The following SPPL3 variants were observed in gnomAD, a reference collection of about 807,000 sequenced individuals.
SPPL3 encodes the protein signal peptide peptidase-like 3.
A neutral mutation model predicts 42.4 loss-of-function variants in SPPL3; 5 were observed. The observed-to-expected ratio is 0.12, with a 90% CI of 0.06 to 0.25. The LOEUF is 0.25. Among genes scored for constraint, SPPL3 ranks in the 10% least tolerant of loss-of-function variants. The pLI, the probability that SPPL3 is intolerant of heterozygous loss-of-function variation, is 1.00. For missense variants in SPPL3, 235 were observed against 489.0 expected (o/e 0.48, Z 4.90); for synonymous variants, 195 against 181.8 (o/e 1.07, Z -0.58).
intron 1 of SPPL3, among the ~76,000 whole-genome samples, chr12:120,900,005 G>A (rs1038919771): frequency 2.6e-5 from 4 of 151,840 alleles, no homozygotes; most frequent in African/African-American, 9.7e-5. Flanking sequence ...AATTTGCTAG[G>A]AAGAGAGCAA....
intron 6 of SPPL3, among the ~76,000 whole-genome samples, chr12:120,776,391 G>A (rs570481253): frequency 6.6e-6 from 1 of 152,240 alleles, no homozygotes; most frequent in Admixed American, 6.5e-5. Context: ...GAAGGGACTC[G>A]CATTGTAAAA....
At chr12:120,770,439 T>A (rs1869074296) in intron 6 of SPPL3, among the ~76,000 whole-genome samples, 1 of 152,222 alleles carries the variant, frequency 6.6e-6, no homozygotes, top group African/African-American at 2.4e-5. Flanking sequence ...ATAAATTAGA[T>A]GTTATCATTT....
intron 1 of SPPL3, among the ~76,000 whole-genome samples, chr12:120,833,005 T>C (rs1212797482): frequency 6.6e-6 from 1 of 152,170 alleles, no homozygotes; most frequent in African/African-American, 2.4e-5. Context: ...GTGCATAAAA[T>C]AACTTTAAAT....
chr12:120,804,085 T>C (rs547861646), intron 2 of SPPL3, among the ~76,000 whole-genome samples: 7 of 152,172 alleles, frequency 4.6e-5, no homozygotes, highest in African/African-American at 1.7e-4. Context: ...CTTCCTAGAG[T>C]AGGTTTGGGT....
intron 1 of SPPL3, among the ~76,000 whole-genome samples, chr12:120,813,843 C>T (rs972027366): frequency 3.3e-5 from 5 of 152,134 alleles, no homozygotes; most frequent in African/African-American, 1.2e-4. Flanking sequence ...CTACTAGAGA[C>T]TTTCTACTTT....
chr12:120,903,428 C>T (rs1874046854), intron 1 of SPPL3: 1 of 194,362 alleles, frequency 5.1e-6, no homozygotes, highest in Non-Finnish European at 1.1e-5. Flanking sequence ...TCCTCTCAGC[C>T]CAGCGGCCCA....
At chr12:120,781,025 T>A (rs1047617854) in intron 6 of SPPL3, among the ~76,000 whole-genome samples, 1 of 152,204 alleles carries the variant, frequency 6.6e-6, no homozygotes, top group Non-Finnish European at 1.5e-5. Flanking sequence ...GTGGCTGGGA[T>A]GAGCTAGTTC....
intron 1 of SPPL3, among the ~76,000 whole-genome samples, chr12:120,857,243 T>C (rs922809996): frequency 7.2e-5 from 11 of 152,190 alleles, no homozygotes; most frequent in Non-Finnish European, 1.2e-4. Flanking sequence ...TTTATGAAAA[T>C]TAATTTCCTG....
At chr12:120,868,256 T>C (rs1313865416) in intron 1 of SPPL3, among the ~76,000 whole-genome samples, 2 of 150,872 alleles carry the variant, frequency 1.3e-5, no homozygotes, top group Admixed American at 6.6e-5. Flanking sequence ...ACCCTGTCAC[T>C]GCAAAATAAA....
At chr12:120,818,572 C>G (rs1484914007) in intron 1 of SPPL3, among the ~76,000 whole-genome samples, 2 of 152,206 alleles carry the variant, frequency 1.3e-5, no homozygotes, top group Non-Finnish European at 2.9e-5. Flanking sequence ...AACTGAGACA[C>G]AGAGAGTACT....
chr12:120,841,306 CAA>C (rs1566057666), intron 1 of SPPL3, among the ~76,000 whole-genome samples: 1 of 151,744 alleles, frequency 6.6e-6, no homozygotes, highest in African/African-American at 2.4e-5. Flanking sequence ...GCCTGGGCAA[CAA>C]GAGCGAAACT....
chr12:120,799,718 C>T (rs1592968546), intron 2 of SPPL3, among the ~76,000 whole-genome samples: 1 of 152,154 alleles, frequency 6.6e-6, no homozygotes. Flanking sequence ...CCATGGGTCA[C>T]CGCTGCACAA....
intron 6 of SPPL3, among the ~76,000 whole-genome samples, chr12:120,771,501 A>T (rs1264745573): frequency 6.6e-6 from 1 of 152,062 alleles, no homozygotes; most frequent in Non-Finnish European, 1.5e-5. Context: ...TTAAGATCAT[A>T]CTTCCTGCCC....
intron 1 of SPPL3, among the ~76,000 whole-genome samples, chr12:120,889,769 A>T (rs1379243620): frequency 1.3e-5 from 2 of 151,414 alleles, no homozygotes; most frequent in African/African-American, 2.4e-5. Flanking sequence ...TGTGTTATGA[A>T]GAGGTCCTAC....
intron 1 of SPPL3, among the ~76,000 whole-genome samples, chr12:120,841,108 C>T (rs893745142): frequency 4.6e-5 from 7 of 152,050 alleles, no homozygotes; most frequent in African/African-American, 1.4e-4. Context: ...GGTGGATCAC[C>T]TGAGGTCAGC....
chr12:120,836,805 C>T (rs576145529), intron 1 of SPPL3, among the ~76,000 whole-genome samples: 7 of 152,310 alleles, frequency 4.6e-5, no homozygotes, highest in African/African-American at 1.7e-4. Context: ...GGTGGTAAAA[C>T]TGTACACGCC....
At chr12:120,886,154 AAATT>A (rs1486117597) in intron 1 of SPPL3, among the ~76,000 whole-genome samples, 227 of 152,062 alleles carry the variant, frequency 1.5e-3, no homozygotes, top group African/African-American at 5.3e-3. Context: ...AAAAAAAAAA[AAATT>A]TTTTTTTCCA....
At chr12:120,900,923 C>CAAAAAAAAAA (rs11432981) in intron 1 of SPPL3, among the ~76,000 whole-genome samples, 2 of 101,528 alleles carry the variant, frequency 2.0e-5, no homozygotes, top group Non-Finnish European at 3.9e-5. Flanking sequence ...CCCTGTCTCA[C>CAAAAAAAAAA]AAAAAAAAAA....
Position 120,812,768 on chromosome 12 carries a change from T to C in SPPL3, c.24-1882A>G, listed in dbSNP as rs189941313. Reference sequence around the variant, plus strand: ...TTTAATCCCTTGCTCTACCACTTACTAGTAGCTAAGCCAGTTACTTAGCCT... The same window carrying C: ...TTTAATCCCTTGCTCTACCACTTACCAGTAGCTAAGCCAGTTACTTAGCCT... On this transcript the variant is annotated intron_variant, in intron 1 of 10. Coordinates refer to ENST00000353487, the MANE Select transcript of SPPL3 (RefSeq NM_139015.5). 7.9e-5 allele frequency among the ~76,000 whole-genome samples: 12 copies of C among 152,348 alleles called. No individual in the cohort carries two copies. The East Asian group carries it at 2.3e-3, about 29-fold the overall frequency.
Sources: allele counts gnomAD v4.1 joint callset (sites outside exome capture counted in the v4.1 genomes callset), GRCh38; gene constraint gnomAD v4.1.1; transcripts MANE v1.5; gene names NCBI Gene and HGNC (gene_info 2026-07-23, HGNC 2026-07-21).